HPS3: variants seen among roughly 807,000 people sequenced by gnomAD.
HPS3 encodes the protein HPS3 biogenesis of lysosomal organelles complex 2 subunit 1.
HPS3 carries 79 observed loss-of-function variants against 110.9 expected under a neutral mutation model. That is an observed-to-expected ratio of 0.71 (90% confidence interval 0.59 to 0.86). HPS3 has a LOEUF of 0.86. Among genes scored for constraint, HPS3 ranks in the 40% least tolerant of loss-of-function variants. The pLI is 0.00. For missense variants in HPS3, 1,197 were observed against 1,206.2 expected (o/e 0.99, Z 0.11); for synonymous variants, 428 against 451.0 (o/e 0.95, Z 0.65).
chr3:149,147,661 A>G (rs1722854431), intron 5 of HPS3, among the ~76,000 whole-genome samples: 1 of 152,168 alleles, frequency 6.6e-6, no homozygotes, highest in Non-Finnish European at 1.5e-5. Flanking sequence ...TTATGTACAT[A>G]TTTGGAGTGT....
In HPS3 at chr3:149,136,306, C is replaced by T. The variant is rs185666981; in HGVS notation, c.218-3698C>T. ...CTGAGGTGGAAGGATCACTTGAGTCCGGGAGGTGGAGGTTGCAGTGAGCCA... is the reference window on the plus strand; with the variant it reads ...CTGAGGTGGAAGGATCACTTGAGTCTGGGAGGTGGAGGTTGCAGTGAGCCA... On this transcript the variant is annotated intron_variant, in intron 1 of 16. Transcript: ENST00000296051. 5.3e-5 allele frequency among the ~76,000 whole-genome samples: 8 copies of T among 152,018 alleles called. No individual in the cohort carries two copies. In the East Asian group the frequency reaches 9.7e-4, roughly 18 times the overall value.
At position 149,140,395 on chromosome 3, in the gene HPS3, C is replaced by T; in HGVS notation, c.609C>T (p.Asp203=). 6.2e-7 allele frequency: 1 copy of T among 1,610,928 alleles called. No homozygotes were observed. The highest frequency in any genetic ancestry group is 8.5e-7 in the Non-Finnish European group (1 of 1,178,374). Residue 203 remains aspartate, a synonymous_variant, in exon 2 of 17, where the codon GAC becomes GAT. Coordinates refer to ENST00000296051, the MANE Select transcript of HPS3 (RefSeq NM_032383.5). The part of the protein sequence containing the change: ...FCVGYVAVMS[D]LEVLIVKLES... ...TTGGATATGTTGCTGTCATGTCAGA[C>T]TTAGAAGTCTTAATCGTAAAACTGG...
chr3:149,171,613 A>AAGTT lies in HPS3; in HGVS notation c.2888-480_2888-477dup, dbSNP rs1452407805. Among the ~76,000 whole-genome samples, 7 of 152,276 alleles carry AAGTT rather than the reference A, an allele frequency of 4.6e-5. No individual in the cohort carries two copies. The South Asian group carries it at 8.3e-4, about 18-fold the overall frequency. ...TCAAAGGATTCTAGTAAGGAAAAAT[A>AAGTT]AGTTACAACCATAAAGAAGCCTATG... On this transcript the variant is annotated intron_variant, in intron 16 of 16. Transcript: ENST00000296051.
chr3:149,153,722 C>T, intron 7 of HPS3, 74 bp downstream of exon 7: 1 of 1,462,826 alleles, frequency 6.8e-7, no homozygotes. Context: ...TTGTGTTTAT[C>T]TTTTTTCAAA....
chr3:149,155,435 T>A (rs1723391837), intron 8 of HPS3, among the ~76,000 whole-genome samples: 1 of 152,178 alleles, frequency 6.6e-6, no homozygotes, highest in African/African-American at 2.4e-5. Flanking sequence ...AAGACTCCCT[T>A]ATTCATACCC....
chr3:149,129,762 G>C lies in HPS3; in HGVS notation c.39G>C (p.Gln13His), dbSNP rs768267976. 1.6e-5 allele frequency: 26 copies of C among 1,607,334 alleles called. No homozygotes were observed. Among genetic ancestry groups the C allele is most frequent in the Non-Finnish European group, 2.1e-5 (25 of 1,178,632 alleles). The change falls in exon 1 of 17, where the codon CAG (glutamine) becomes CAC (histidine). Residue 13 changes from glutamine to histidine, a missense_variant. Physicochemically the swap from Gln to His is conservative, Grantham distance 24 (BLOSUM62 0). Transcript: ENST00000296051. The part of the protein sequence containing the change: ...QLYNLHPFGS[Q>H]QVVPCKLEPD... ...ACAACCTGCACCCGTTCGGGTCGCA[G>C]CAGGTGGTGCCCTGCAAGCTGGAGC... is the stretch of plus-strand genomic sequence containing the variant.
intron 1 of HPS3, 104 bp downstream of exon 1, chr3:149,130,044 T>C (rs975597330): frequency 8.7e-7 from 1 of 1,149,444 alleles, no homozygotes; most frequent in Non-Finnish European, 1.2e-6. Context: ...ATGGGACTTC[T>C]TGCTTCCCGG....
At position 149,155,161 on chromosome 3, in the gene HPS3, G is replaced by C; in HGVS notation, c.1455G>C (p.Gly485=). The change falls in exon 8 of 17, where the codon GGG becomes GGC. Residue 485 remains glycine, a synonymous_variant. Coordinates refer to ENST00000296051, the MANE Select transcript of HPS3 (RefSeq NM_032383.5). ...KIKIPPVAEA[G]WNLYIVNTIS... Reference sequence around the variant, plus strand: ...AAATACCTCCTGTAGCTGAGGCTGGGTGGAATTTGTATATTGTGAATACGA... The same window carrying C: ...AAATACCTCCTGTAGCTGAGGCTGGCTGGAATTTGTATATTGTGAATACGA... The C allele has an allele frequency of 1.2e-6, 2 of 1,610,668 alleles. No individual in the cohort carries two copies. The highest frequency in any genetic ancestry group is 2.2e-5 in the South Asian group (2 of 90,998).
intron 15 of HPS3, 134 bp from the exon 16 acceptor site, chr3:149,167,759 A>G: frequency 1.4e-6 from 1 of 694,376 alleles, no homozygotes; most frequent in Non-Finnish European, 2.6e-6. Flanking sequence ...AACTTATGTT[A>G]TAACAAAGTT....
At position 149,173,015 on chromosome 3, in the gene HPS3, G is replaced by C. The variant is rs1725155829; in HGVS notation, c.*793G>C. ...TTAAAAAATTTTTAGTTCAAGTTTAGTTCATTGATATTATCCTCTGAATGC... is the reference window on the plus strand; with the variant it reads ...TTAAAAAATTTTTAGTTCAAGTTTACTTCATTGATATTATCCTCTGAATGC... On this transcript the variant is annotated 3_prime_UTR_variant, in exon 17 of 17. Coordinates refer to ENST00000296051, the MANE Select transcript of HPS3 (RefSeq NM_032383.5). 1 of 152,490 alleles carries C rather than the reference G, an allele frequency of 6.6e-6. No individual in the cohort carries two copies. The highest frequency in any genetic ancestry group is 1.5e-5 in the Non-Finnish European group (1 of 67,994). 9.4% of individuals were successfully genotyped at this position (152,490 alleles called of 1,614,324 possible).
intron 12 of HPS3, 128 bp from the exon 13 acceptor site, chr3:149,162,562 A>G (rs764783627): frequency 5.3e-6 from 6 of 1,126,938 alleles, no homozygotes; most frequent in South Asian, 2.5e-5. Context: ...TGCTTTTGCC[A>G]TGGCGCTAAT....
In HPS3 at chr3:149,141,300, T is replaced by G; in HGVS notation, c.890T>G (p.Phe297Cys). The G allele has an allele frequency of 6.2e-7, 1 of 1,613,818 alleles. No homozygotes were observed. Among genetic ancestry groups the G allele is most frequent in the Non-Finnish European group, 8.5e-7 (1 of 1,179,866 alleles). The change falls in exon 4 of 17, where the codon TTT becomes TGT. Residue 297 changes from phenylalanine to cysteine, a missense_variant. By Grantham distance (205) the Phe-to-Cys change is radical. Coordinates refer to ENST00000296051, the MANE Select transcript of HPS3 (RefSeq NM_032383.5). Reference sequence around the variant, plus strand: ...CTGTCTTTTTAAACCCACAGACGTTTTGCTCCTGATATTTCGTCCTATGTC... The same window carrying G: ...CTGTCTTTTTAAACCCACAGACGTTGTGCTCCTGATATTTCGTCCTATGTC... ...SHFQHLLYRRFAPDISSYVLS... is the reference protein window; with the variant it reads ...SHFQHLLYRRCAPDISSYVLS...
At position 149,140,351 on chromosome 3, in the gene HPS3, G is replaced by C; in HGVS notation, c.565G>C (p.Val189Leu). The C allele has an allele frequency of 6.2e-7, 1 of 1,611,064 alleles. No homozygotes were observed. The highest frequency in any genetic ancestry group is 8.5e-7 in the Non-Finnish European group (1 of 1,178,166). The change falls in exon 2 of 17, where the codon GTT (valine) becomes CTT (leucine). Residue 189 changes from valine (V) to leucine (L), a missense_variant. Transcript: ENST00000296051. ...LIIHIDNITP[V>L]EVSFCVGYVA... ...TATACACATAGATAATATCACTCCT[G>C]TTGAGGTTTCTTTTTGTGTTGGATA... is the stretch of plus-strand genomic sequence containing the variant.
chr3:149,166,045 A>T (rs765444309), intron 14 of HPS3: 1 of 456,204 alleles, frequency 2.2e-6, no homozygotes, highest in Non-Finnish European at 4.4e-6. Context: ...TGAGTCTCAG[A>T]AGATGCTGTA....
intron 4 of HPS3, among the ~76,000 whole-genome samples, chr3:149,143,250 C>G (rs1165141683): frequency 2.0e-5 from 3 of 152,170 alleles, no homozygotes; most frequent in Admixed American, 2.0e-4. Flanking sequence ...CCATAGTGGC[C>G]TTTCCCTCTT....
intron 1 of HPS3, among the ~76,000 whole-genome samples, chr3:149,133,941 CTG>C (rs1721924361): frequency 6.6e-6 from 1 of 151,380 alleles, no homozygotes; most frequent in Non-Finnish European, 1.5e-5. Context: ...TTGCGGTGGT[CTG>C]GAAGCAATCC....
intron 11 of HPS3, among the ~76,000 whole-genome samples, chr3:149,161,710 A>G (rs989547545): frequency 6.6e-6 from 1 of 151,480 alleles, no homozygotes; most frequent in African/African-American, 2.4e-5. Context: ...GGGTTTTACC[A>G]TGTTGGCCAG....
At chr3:149,143,571 T>C (rs1722612663) in intron 4 of HPS3, among the ~76,000 whole-genome samples, 1 of 152,182 alleles carries the variant, frequency 6.6e-6, no homozygotes, top group Non-Finnish European at 1.5e-5. Flanking sequence ...AGTAGGTACC[T>C]GATGAATGCT....
chr3:149,135,256 G>A (rs982496644), intron 1 of HPS3, among the ~76,000 whole-genome samples: 4 of 152,168 alleles, frequency 2.6e-5, no homozygotes, highest in African/African-American at 4.8e-5. Flanking sequence ...CTCTGACATC[G>A]TCATCAGTAA....
Sources: gnomAD v4.1 joint callset for allele counts (sites outside exome capture counted in the v4.1 genomes callset) on GRCh38, gnomAD v4.1.1 for gene constraint, MANE v1.5 for transcripts, NCBI Gene and HGNC (gene_info 2026-07-23, HGNC 2026-07-21) for gene names.